ABCA1: variants seen among roughly 807,000 people sequenced by gnomAD.
The protein encoded by ABCA1 is ATP binding cassette subfamily A member 1.
A neutral mutation model predicts 262.5 loss-of-function variants in ABCA1; 133 were observed. The observed-to-expected ratio is 0.51, with a 90% CI of 0.44 to 0.59. The LOEUF (loss-of-function observed/expected upper bound fraction) is 0.59. Ranked by LOEUF, ABCA1 falls within the 20% of genes least tolerant of loss-of-function variation. The probability of loss-of-function intolerance (pLI) is 0.00; values close to 1 mark genes in which losing one functional copy is unlikely to be tolerated. For synonymous variants in ABCA1, 1,022 were observed against 1,043.5 expected (o/e 0.98, Z 0.40); for missense variants, 2,452 against 2,777.5 (o/e 0.88, Z 2.63).
chr9:104,822,780 C>T, intron 18 of ABCA1, 113 bp from the exon 19 acceptor site: 1 of 1,257,764 alleles, frequency 8.0e-7, no homozygotes, highest in South Asian at 1.2e-5. Flanking sequence ...CCATGTCCAC[C>T]CTGGTTTCTC....
chr9:104,814,438 G>C lies in ABCA1; in HGVS notation c.3776C>G (p.Ala1259Gly), dbSNP rs1445502917. The C allele has an allele frequency of 6.2e-7, 1 of 1,614,146 alleles. No homozygotes were observed. Among genetic ancestry groups the C allele is most frequent in the Non-Finnish European group, 8.5e-7 (1 of 1,180,020 alleles). ...CTCAAGGCAGTTACCTGAGGTCTCA[G>C]CATCCACCCCACTCTCTTCGGCCAC... is the stretch of plus-strand genomic sequence containing the variant. ...LKVAEESGVD[A>G]ETSDGTLPAR... The change falls in exon 26 of 50, where the codon GCT becomes GGT. Residue 1259 changes from alanine to glycine, a missense_variant. Ala to Gly is a moderately conservative substitution (Grantham distance 60, BLOSUM62 0). Transcript: ENST00000374736.
At chr9:104,824,406 C>G (rs916132118) in intron 18 of ABCA1, 59 bp downstream of exon 18, 11 of 1,610,776 alleles carry the variant, frequency 6.8e-6, no homozygotes, top group Non-Finnish European at 9.3e-6. Context: ...TTGCCCCCAA[C>G]AGTTAGCAGA....
chr9:104,880,417 T>C (rs1020747858), intron 5 of ABCA1, among the ~76,000 whole-genome samples: 7 of 151,538 alleles, frequency 4.6e-5, no homozygotes, highest in African/African-American at 1.2e-4. Context: ...GGAGGATCAC[T>C]TGAGCCCAGG....
At chr9:104,794,341 G>A in intron 40 of ABCA1, 46 bp downstream of exon 40, 1 of 1,613,506 alleles carries the variant, frequency 6.2e-7, no homozygotes. Flanking sequence ...GGCCTATGCA[G>A]AGTGCCATCT....
In ABCA1 at chr9:104,784,433, T is replaced by A; in HGVS notation, c.6668A>T (p.Asp2223Val). 2 of 1,614,106 alleles carry A rather than the reference T, an allele frequency of 1.2e-6. No individual in the cohort carries two copies. Among genetic ancestry groups the A allele is most frequent in the Non-Finnish European group, 1.7e-6 (2 of 1,179,976 alleles). Residue 2223 changes from aspartate to valine, a missense_variant, in exon 50 of 50, where the codon GAC becomes GTC. Physicochemically the swap from Asp to Val is radical, Grantham distance 152. Around this residue, in one of 4 missense-constraint regions of ABCA1, gnomAD observed 752 missense variants for 944.5 expected, o/e 0.80. Coordinates refer to ENST00000374736, the MANE Select transcript of ABCA1 (RefSeq NM_005502.4). Reference protein sequence around the residue: ...LDQVFVNFAKDQSDDDHLKDL... With the variant: ...LDQVFVNFAKVQSDDDHLKDL... ...TTTTAAGTGGTCATCATCACTTTGG[T>A]CCTTGGCAAAGTTCACAAATACCTG... is the stretch of plus-strand genomic sequence containing the variant.
intron 5 of ABCA1, 81 bp from the exon 6 acceptor site, chr9:104,861,881 A>C: frequency 1.6e-6 from 2 of 1,275,238 alleles, no homozygotes; most frequent in Non-Finnish European, 2.2e-6. Flanking sequence ...GACAGTGGAG[A>C]AACGTTATCA....
At chr9:104,786,788 T>TA (rs1828970726) in intron 47 of ABCA1, 85 bp downstream of exon 47, 2 of 1,258,734 alleles carry the variant, frequency 1.6e-6, no homozygotes, top group African/African-American at 3.0e-5. Context: ...TTTTCTGTAT[T>TA]TTCTAATTTT....
intron 1 of ABCA1, among the ~76,000 whole-genome samples, chr9:104,913,851 A>G (rs534107995): frequency 2.8e-4 from 42 of 152,266 alleles, no homozygotes; most frequent in African/African-American, 9.6e-4. Context: ...GCTGGAGTGC[A>G]GTGGCGCGAT....
rs1183084189 is a variant in ABCA1 at position 104,903,594 on chromosome 9, G to C, written c.66+20C>G. 4.4e-6 allele frequency: 7 copies of C among 1,574,752 alleles called. No homozygotes were observed. Among genetic ancestry groups the C allele is most frequent in the African/African-American group, 1.4e-5 (1 of 74,064 alleles). Reference sequence around the variant, plus strand: ...AGAAAAAATGAGAGAACCCCCCGCTGCTGAAAAACCCAAGCTTACTGTTTG... The same window carrying C: ...AGAAAAAATGAGAGAACCCCCCGCTCCTGAAAAACCCAAGCTTACTGTTTG... On this transcript the variant is annotated intron_variant, in intron 2 of 49. Coordinates refer to ENST00000374736, the MANE Select transcript of ABCA1 (RefSeq NM_005502.4).
chr9:104,804,754 T>C (rs1830621316), intron 31 of ABCA1, 34 bp from the exon 32 acceptor site: 2 of 1,551,608 alleles, frequency 1.3e-6, no homozygotes, highest in Non-Finnish European at 1.8e-6. Flanking sequence ...ATACGGGTCT[T>C]TATAGACAAG....
At chr9:104,904,366 G>A (rs978521656) in intron 1 of ABCA1, among the ~76,000 whole-genome samples, 6 of 151,748 alleles carry the variant, frequency 4.0e-5, no homozygotes, top group African/African-American at 1.2e-4. Context: ...TCAAGAAATC[G>A]AGACCATCCT....
Position 104,840,285 on chromosome 9 carries a change from A to G in ABCA1, c.1048T>C (p.Ser350Pro). The G allele has an allele frequency of 6.2e-7, 1 of 1,614,114 alleles. No homozygotes were observed. Among genetic ancestry groups the G allele is most frequent in the Non-Finnish European group, 8.5e-7 (1 of 1,180,012 alleles). ...GGTCTGCATGGACACTCACTTGTAGAGTTGTCATAGAAGGTTTCAGCATCT... is the reference window on the plus strand; with the variant it reads ...GGTCTGCATGGACACTCACTTGTAGGGTTGTCATAGAAGGTTTCAGCATCT... Reference protein sequence around the residue: ...EEDAETFYDNSTTPYCNDLMK... With the variant: ...EEDAETFYDNPTTPYCNDLMK... The change falls in exon 9 of 50, where the codon TCT becomes CCT. Residue 350 changes from serine to proline, a missense_variant. Physicochemically the swap from Ser to Pro is moderately conservative, Grantham distance 74 (BLOSUM62 -1). Around this residue, in one of 4 missense-constraint regions of ABCA1, gnomAD observed 1,032 missense variants for 1,089.7 expected, o/e 0.95. Coordinates refer to ENST00000374736, the MANE Select transcript of ABCA1 (RefSeq NM_005502.4).
chr9:104,882,434 T>C (rs553338589), intron 5 of ABCA1, among the ~76,000 whole-genome samples: 17 of 152,368 alleles, frequency 1.1e-4, no homozygotes, highest in South Asian at 4.1e-4. Context: ...TCTGATGCTA[T>C]GGCAGCCAAT....
chr9:104,826,282 A>C (rs762595464), intron 16 of ABCA1, among the ~76,000 whole-genome samples: 8 of 152,190 alleles, frequency 5.3e-5, no homozygotes, highest in African/African-American at 1.9e-4. Flanking sequence ...GGGGCTGCTG[A>C]TGCCTATGAA....
chr9:104,919,130 C>T (rs1376568270), intron 1 of ABCA1, among the ~76,000 whole-genome samples: 1 of 152,132 alleles, frequency 6.6e-6, no homozygotes, highest in Non-Finnish European at 1.5e-5. Context: ...CTTTAGAAAG[C>T]TTTGTGTCTT....
chr9:104,871,361 C>T (rs893299634), intron 5 of ABCA1, among the ~76,000 whole-genome samples: 1 of 152,132 alleles, frequency 6.6e-6, no homozygotes, highest in African/African-American at 2.4e-5. Context: ...TAAGACAATA[C>T]CCATGTCTTA....
chr9:104,879,643 A>G (rs891813032), intron 5 of ABCA1, among the ~76,000 whole-genome samples: 3 of 152,250 alleles, frequency 2.0e-5, no homozygotes, highest in Non-Finnish European at 2.9e-5. Flanking sequence ...AGAACACGTA[A>G]CTTGCAATTC....
intron 5 of ABCA1, among the ~76,000 whole-genome samples, chr9:104,869,033 AAG>A (rs1389664197): frequency 6.6e-5 from 10 of 151,238 alleles, no homozygotes; most frequent in Admixed American, 2.0e-4. Flanking sequence ...GAGGCTGGGA[AAG>A]AAGGAGGAAA....
chr9:104,796,246 T>TAGAG (rs1243549531), intron 38 of ABCA1, 49 bp from the exon 39 acceptor site: 1 of 1,613,914 alleles, frequency 6.2e-7, no homozygotes, highest in Non-Finnish European at 8.5e-7. Context: ...CCTGCCCTCC[T>TAGAG]TCTGACACTG....
Sources: allele counts gnomAD v4.1 joint callset (sites outside exome capture counted in the v4.1 genomes callset), GRCh38; gene constraint gnomAD v4.1.1; regional missense constraint gnomAD v4.1.1; transcripts MANE v1.5; gene names NCBI Gene and HGNC (gene_info 2026-07-23, HGNC 2026-07-21).